Variants in CLOCK observed in about 807,000 individuals in gnomAD.
CLOCK encodes circadian locomoter output cycles protein kaput.
Under a neutral mutation model 118.4 loss-of-function variants are expected in CLOCK, and 43 were observed. The ratio of observed to expected loss-of-function variants is 0.36; its 90% confidence interval spans 0.28 to 0.47. CLOCK has a LOEUF of 0.47. Ranked by LOEUF, CLOCK falls within the 20% of genes least tolerant of loss-of-function variation. The pLI is 1.00. For synonymous variants in CLOCK, 326 were observed against 339.2 expected, an observed-to-expected ratio of 0.96 and a Z score of 0.43; for missense variants, 846 against 999.9, an observed-to-expected ratio of 0.85 and a Z score of 2.08.
intron 12 of CLOCK, 45 bp downstream of exon 12, chr4:55,456,173 A>G (rs748460377): frequency 6.3e-6 from 9 of 1,429,808 alleles, no homozygotes; most frequent in Non-Finnish European, 6.8e-6. Flanking sequence ...CAAGAATTAT[A>G]TAACATGACT....
chr4:55,500,224 A>G (rs7686261), intron 2 of CLOCK, among the ~76,000 whole-genome samples: 51,368 of 152,044 alleles, frequency 0.34, 9,374 homozygotes, highest in East Asian at 0.58. Context: ...GCACTACACA[A>G]GCTATTCAGG....
In CLOCK at chr4:55,443,667, G is replaced by A. The variant is rs745780630; in HGVS notation, c.1902+20C>T. 152 of 1,593,962 alleles carry A rather than the reference G, an allele frequency of 9.5e-5. No homozygotes were observed. Among genetic ancestry groups the A allele is most frequent in the Admixed American group, 5.7e-4 (34 of 59,948 alleles). On this transcript the variant is annotated intron_variant, in intron 20 of 22. Coordinates refer to ENST00000513440, the MANE Select transcript of CLOCK (RefSeq NM_004898.4). ...CCAACCACTGATCACTCCATAGCCC[G>A]CTGTGCTCAGTAACATTACCTGAGT...
intron 9 of CLOCK, among the ~76,000 whole-genome samples, chr4:55,462,647 G>A (rs570252120): frequency 6.6e-6 from 1 of 152,208 alleles, no homozygotes; most frequent in African/African-American, 2.4e-5. Flanking sequence ...TTCCATCCAT[G>A]GCTTCAAATA....
chr4:55,452,809 C>A, intron 15 of CLOCK: 1 of 363,032 alleles, frequency 2.8e-6, no homozygotes, highest in South Asian at 3.9e-5. Context: ...TAGCCAGAGA[C>A]TAGTACATCA....
At chr4:55,440,585 A>C (rs1723288768) in intron 21 of CLOCK, among the ~76,000 whole-genome samples, 1 of 152,214 alleles carries the variant, frequency 6.6e-6, no homozygotes, top group South Asian at 2.1e-4. Flanking sequence ...AAATACTTTA[A>C]TGCAAAACAA....
intron 4 of CLOCK, among the ~76,000 whole-genome samples, chr4:55,481,777 C>T (rs1337228834): frequency 1.3e-5 from 2 of 152,178 alleles, no homozygotes; most frequent in Non-Finnish European, 2.9e-5. Flanking sequence ...CAAACCAACA[C>T]AAGTAAAAAT....
At position 55,438,382 on chromosome 4, in the gene CLOCK, G is replaced by A. The variant is rs538817792; in HGVS notation, c.2261C>T (p.Thr754Met). The change falls in exon 22 of 23, where the codon ACG becomes ATG. Residue 754 changes from threonine to methionine, a missense_variant. Thr to Met is a moderately conservative substitution (Grantham distance 81). Coordinates refer to ENST00000513440, the MANE Select transcript of CLOCK (RefSeq NM_004898.4). Reference protein sequence around the residue: ...QQQQSQTLSVTQQQQQQSSQE... With the variant: ...QQQQSQTLSVMQQQQQQSSQE... ...GGAGCTCTGCTGCTGCTGCTGCTGC[G>A]TTACTGACAATGTCTGTGACTGTTG... The A allele has an allele frequency of 3.0e-5, 48 of 1,613,432 alleles. No homozygotes were observed. The highest frequency in any genetic ancestry group is 3.6e-5 in the Non-Finnish European group (43 of 1,179,552).
intron 1 of CLOCK, among the ~76,000 whole-genome samples, chr4:55,519,433 A>C (rs759489062): frequency 6.6e-6 from 1 of 152,056 alleles, no homozygotes; most frequent in Non-Finnish European, 1.5e-5. Flanking sequence ...ATGTGCTAAG[A>C]CCCTGACTAT....
chr4:55,458,883 A>G lies in CLOCK; in HGVS notation c.792+9T>C. 6.3e-7 allele frequency: 1 copy of G among 1,587,710 alleles called. No homozygotes were observed. Among genetic ancestry groups the G allele is most frequent in the Non-Finnish European group, 8.6e-7 (1 of 1,156,590 alleles). On this transcript the variant is annotated intron_variant, in intron 11 of 22. Coordinates refer to ENST00000513440, the MANE Select transcript of CLOCK (RefSeq NM_004898.4). ...AAATCCCCTTTGGGAAATAAAATTAAAAACATACCTTGATGAACTGAGGTG... is the reference window on the plus strand; with the variant it reads ...AAATCCCCTTTGGGAAATAAAATTAGAAACATACCTTGATGAACTGAGGTG...
chr4:55,448,216 T>C (rs1724043095), intron 18 of CLOCK, among the ~76,000 whole-genome samples: 1 of 152,220 alleles, frequency 6.6e-6, no homozygotes, highest in African/African-American at 2.4e-5. Flanking sequence ...CATATATTTG[T>C]ACTGTCGGCA....
At chr4:55,453,489 ATATC>A (rs1577708184) in intron 14 of CLOCK, 184 bp downstream of exon 14, 1 of 513,286 alleles carries the variant, frequency 1.9e-6, no homozygotes, top group Admixed American at 3.5e-5. Context: ...CAAGACTTAT[ATATC>A]TATATCATTC....
chr4:55,479,654 C>T lies in CLOCK; in HGVS notation c.93G>A (p.Lys31=), dbSNP rs146800810. The T allele has an allele frequency of 5.0e-6, 8 of 1,611,736 alleles. No individual in the cohort carries two copies. Among genetic ancestry groups the T allele is most frequent in the Admixed American group, 1.7e-5 (1 of 59,936 alleles). The part of the protein sequence containing the change: ...IFDGLVEEDD[K]DKAKRVSRNK... ...AATCAAACTACCTTTTCGCTTTGTC[C>T]TTGTCATCTTCTTCCACCAACCCAT... The change falls in exon 5 of 23, where the codon AAG becomes AAA. Residue 31 remains lysine, a synonymous_variant. Coordinates refer to ENST00000513440, the MANE Select transcript of CLOCK (RefSeq NM_004898.4).
intron 1 of CLOCK, among the ~76,000 whole-genome samples, chr4:55,520,214 C>T (rs769884253): frequency 6.6e-6 from 1 of 152,148 alleles, no homozygotes; most frequent in Non-Finnish European, 1.5e-5. Flanking sequence ...TTTTTTAAGG[C>T]CACCAACAAA....
intron 2 of CLOCK, among the ~76,000 whole-genome samples, chr4:55,503,588 T>C (rs1011197984): frequency 6.6e-6 from 1 of 152,220 alleles, no homozygotes; most frequent in African/African-American, 2.4e-5. Flanking sequence ...ATGTGTGTTA[T>C]AATTTGATGA....
intron 2 of CLOCK, among the ~76,000 whole-genome samples, chr4:55,506,012 A>T (rs1728774537): frequency 6.6e-6 from 1 of 152,072 alleles, no homozygotes; most frequent in Non-Finnish European, 1.5e-5. Flanking sequence ...TATAGTTACC[A>T]ACTTCAGGAA....
intron 1 of CLOCK, among the ~76,000 whole-genome samples, chr4:55,513,815 T>G (rs1729315156): frequency 1.3e-5 from 2 of 152,052 alleles, no homozygotes; most frequent in African/African-American, 4.8e-5. Flanking sequence ...GTTTTGAAGT[T>G]TTCTTTGTAC....
intron 4 of CLOCK, among the ~76,000 whole-genome samples, chr4:55,480,970 G>C (rs1397405211): frequency 6.6e-6 from 1 of 152,024 alleles, no homozygotes; most frequent in East Asian, 1.9e-4. Flanking sequence ...GTTAGTGGGG[G>C]ACACGTGAGC....
At chr4:55,543,143 C>T (rs1268425702) in intron 1 of CLOCK, among the ~76,000 whole-genome samples, 2 of 152,136 alleles carry the variant, frequency 1.3e-5, no homozygotes, top group Non-Finnish European at 2.9e-5. Context: ...GTCCTGAAAT[C>T]CTGGGCTCAA....
At chr4:55,506,075 G>GT (rs1728779218) in intron 2 of CLOCK, among the ~76,000 whole-genome samples, 1 of 151,190 alleles carries the variant, frequency 6.6e-6, no homozygotes, top group African/African-American at 2.4e-5. Flanking sequence ...CTCTTTTTTT[G>GT]TTTTAGTTGA....
Sources: allele counts gnomAD v4.1 joint callset (sites outside exome capture counted in the v4.1 genomes callset), GRCh38; gene constraint gnomAD v4.1.1; transcripts MANE v1.5; gene names NCBI Gene and HGNC (gene_info 2026-07-23, HGNC 2026-07-21).